Variants in CLEC16A observed in about 807,000 individuals in gnomAD.
The protein encoded by CLEC16A is protein CLEC16A.
In CLEC16A, 51 loss-of-function variants were observed where a neutral mutation model predicts 109.5. That is an observed-to-expected ratio of 0.47 (90% confidence interval 0.37 to 0.59). CLEC16A has a LOEUF of 0.59. CLEC16A is among the 20% of genes least tolerant of loss of function. CLEC16A has a pLI of 0.00. For missense variants in CLEC16A, 1,339 were observed against 1,394.0 expected (o/e 0.96, Z 0.63); for synonymous variants, 673 against 564.2 (o/e 1.19, Z -2.73).
chr16:11,099,635 C>T (rs1301332984), intron 19 of CLEC16A, among the ~76,000 whole-genome samples: 2 of 152,174 alleles, frequency 1.3e-5, no homozygotes, highest in African/African-American at 4.8e-5. Context: ...AGGATCCCAG[C>T]TCCGTCACTT....
At chr16:11,138,506 G>A (rs2053673382) in intron 22 of CLEC16A, among the ~76,000 whole-genome samples, 2 of 152,206 alleles carry the variant, frequency 1.3e-5, no homozygotes, top group Admixed American at 6.5e-5. Context: ...GTTGGGAAGG[G>A]CAGAGGAGAA....
At chr16:11,111,571 G>C (rs747289843) in intron 19 of CLEC16A, among the ~76,000 whole-genome samples, 1 of 152,222 alleles carries the variant, frequency 6.6e-6, no homozygotes, top group Non-Finnish European at 1.5e-5. Context: ...AGAAGAACAT[G>C]TAGGTAAGAA....
intron 3 of CLEC16A, among the ~76,000 whole-genome samples, chr16:10,965,939 C>T (rs888509768): frequency 6.6e-6 from 1 of 152,166 alleles, no homozygotes; most frequent in Non-Finnish European, 1.5e-5. Flanking sequence ...TCTGAAGCTC[C>T]CAGTATGGTG....
At chr16:10,986,790 TC>T (rs1474385285) in intron 10 of CLEC16A, among the ~76,000 whole-genome samples, 3 of 151,670 alleles carry the variant, frequency 2.0e-5, no homozygotes, top group Non-Finnish European at 4.4e-5. Context: ...ATTTTCTTTT[TC>T]TTTCTTTATC....
At chr16:11,070,356 C>T (rs923758531) in intron 19 of CLEC16A, among the ~76,000 whole-genome samples, 4 of 151,886 alleles carry the variant, frequency 2.6e-5, no homozygotes, top group African/African-American at 9.7e-5. Flanking sequence ...AGGCGTGAGC[C>T]ACTGCACCCG....
intron 19 of CLEC16A, among the ~76,000 whole-genome samples, chr16:11,084,366 G>A (rs1036925165): frequency 6.6e-6 from 1 of 152,118 alleles, no homozygotes; most frequent in African/African-American, 2.4e-5. Context: ...CAAGCTGCTT[G>A]GGGGCAGAAA....
intron 18 of CLEC16A, among the ~76,000 whole-genome samples, chr16:11,055,452 G>A (rs1005886463): frequency 3.3e-5 from 5 of 152,090 alleles, no homozygotes; most frequent in African/African-American, 1.2e-4. Context: ...GCCACCAAGT[G>A]TGGCATGTTC....
chr16:11,044,886 A>G (rs889660481), intron 16 of CLEC16A, among the ~76,000 whole-genome samples: 5 of 147,982 alleles, frequency 3.4e-5, no homozygotes, highest in African/African-American at 1.2e-4. Context: ...AGATAGCGCC[A>G]TTGCCCTCCA....
chr16:10,995,393 G>A (rs1021218856), intron 10 of CLEC16A, among the ~76,000 whole-genome samples: 4 of 152,216 alleles, frequency 2.6e-5, no homozygotes, highest in African/African-American at 4.8e-5. Flanking sequence ...GCCTGAGGCC[G>A]GAGATGGGGA....
At chr16:11,010,625 T>A (rs887640434) in intron 11 of CLEC16A, among the ~76,000 whole-genome samples, 5 of 152,312 alleles carry the variant, frequency 3.3e-5, no homozygotes, top group East Asian at 3.9e-4. Context: ...GAGCATTTGC[T>A]AAGATTAAGG....
At chr16:10,989,432 G>T (rs115402716) in intron 10 of CLEC16A, among the ~76,000 whole-genome samples, 1 of 151,744 alleles carries the variant, frequency 6.6e-6, no homozygotes, top group Admixed American at 6.6e-5. Context: ...ATGGGGTTTC[G>T]CCGTGTTACC....
chr16:10,963,937 A>G (rs972010425), intron 3 of CLEC16A, among the ~76,000 whole-genome samples: 3 of 152,240 alleles, frequency 2.0e-5, no homozygotes, highest in Non-Finnish European at 2.9e-5. Flanking sequence ...GCCGAGGCTG[A>G]GAAACCCTGG....
chr16:10,999,966 A>C (rs1051461201), intron 10 of CLEC16A, among the ~76,000 whole-genome samples: 1 of 152,134 alleles, frequency 6.6e-6, no homozygotes, highest in Non-Finnish European at 1.5e-5. Flanking sequence ...CCTCCCGAGT[A>C]GTTGGGACTA....
chr16:11,140,478 G>A lies in CLEC16A; in HGVS notation c.2641+14332G>A, dbSNP rs530828671. Among the ~76,000 whole-genome samples the A allele has an allele frequency of 2.0e-3, 304 of 152,268 alleles. 2 individuals are homozygous for A. The highest frequency in any genetic ancestry group is 7.0e-3 in the African/African-American group (290 of 41,538). ...CATGAAGCCCAAGGGAAATGTCCAC[G>A]GGCTCAGCACAGTGGTCTAGCATCT... On this transcript the variant is annotated intron_variant, in intron 22 of 23. Coordinates refer to ENST00000409790, the MANE Select transcript of CLEC16A (RefSeq NM_015226.3).
intron 4 of CLEC16A, among the ~76,000 whole-genome samples, chr16:10,970,777 T>C (rs977713200): frequency 6.6e-6 from 1 of 152,220 alleles, no homozygotes; most frequent in Admixed American, 6.5e-5. Context: ...GACAGGGTCT[T>C]GCTCTGTTGC....
rs144543023 is a variant in CLEC16A, at chr16:11,113,215, G to T, written c.2117-7400G>T. ...TCATCTGCATGATCAGGCAGAGCCCGGCTGGCCAGCAGCTTGGCCTAGTGC... is the reference window on the plus strand; with the variant it reads ...TCATCTGCATGATCAGGCAGAGCCCTGCTGGCCAGCAGCTTGGCCTAGTGC... On this transcript the variant is annotated intron_variant, in intron 19 of 23. Transcript: ENST00000409790. 8.1e-3 allele frequency among the ~76,000 whole-genome samples: 1,236 copies of T among 152,308 alleles called. 20 individuals are homozygous for T. The highest frequency in any genetic ancestry group is 0.028 in the African/African-American group (1,175 of 41,566).
At chr16:11,156,550 G>A (rs1050209784) in intron 22 of CLEC16A, 7 of 1,292,948 alleles carry the variant, frequency 5.4e-6, no homozygotes, top group Admixed American at 2.3e-5. Flanking sequence ...TGTCTAACCC[G>A]CCTTCCTCCT....
At chr16:10,989,133 T>G (rs537267984) in intron 10 of CLEC16A, among the ~76,000 whole-genome samples, 1 of 152,330 alleles carries the variant, frequency 6.6e-6, no homozygotes, top group African/African-American at 2.4e-5. Flanking sequence ...AAGCCCTCTG[T>G]GTGTATACTG....
At chr16:11,043,023 T>G (rs1192630977) in intron 15 of CLEC16A, among the ~76,000 whole-genome samples, 1 of 151,946 alleles carries the variant, frequency 6.6e-6, no homozygotes, top group African/African-American at 2.4e-5. Context: ...AACATCTATT[T>G]ACATATGTAA....
Sources: allele counts gnomAD v4.1 joint callset (sites outside exome capture counted in the v4.1 genomes callset), GRCh38; gene constraint gnomAD v4.1.1; transcripts MANE v1.5; gene names NCBI Gene and HGNC (gene_info 2026-07-23, HGNC 2026-07-21).